Variants in DPP10 observed in about 807,000 individuals in gnomAD.
DPP10 encodes the protein inactive dipeptidyl peptidase 10.
Under a neutral mutation model 120.9 loss-of-function variants are expected in DPP10, and 33 were observed. The observed-to-expected ratio is 0.27, with a 90% CI of 0.21 to 0.37. The LOEUF (loss-of-function observed/expected upper bound fraction) is 0.37, where lower values mean the gene tolerates loss of function less well. Ranked by LOEUF, DPP10 falls within the 10% of genes least tolerant of loss-of-function variation. DPP10 has a pLI of 1.00. For missense variants in DPP10, 816 were observed against 942.8 expected, an observed-to-expected ratio of 0.87 and a Z score of 1.76; for synonymous variants, 337 against 326.1, an observed-to-expected ratio of 1.03 and a Z score of -0.36.
At chr2:115,339,544 AG>A (rs1439033920) in intron 2 of DPP10, among the ~76,000 whole-genome samples, 1 of 152,226 alleles carries the variant, frequency 6.6e-6, no homozygotes, top group Non-Finnish European at 1.5e-5. Context: ...TCCCCAAACC[AG>A]AAATAACAAT....
chr2:115,798,360 G>C (rs1041419040), intron 19 of DPP10, among the ~76,000 whole-genome samples: 1 of 152,004 alleles, frequency 6.6e-6, no homozygotes, highest in Non-Finnish European at 1.5e-5. Flanking sequence ...ACTTTGAAAG[G>C]TGAAGTTAAA....
chr2:114,754,357 A>T (rs1679536138), intron 1 of DPP10, among the ~76,000 whole-genome samples: 1 of 152,212 alleles, frequency 6.6e-6, no homozygotes, highest in Non-Finnish European at 1.5e-5. Context: ...AGTCTTTTAT[A>T]TCATTGCCCA....
chr2:115,790,107 C>G (rs1442076996), intron 17 of DPP10, among the ~76,000 whole-genome samples: 5 of 143,150 alleles, frequency 3.5e-5, no homozygotes, highest in Non-Finnish European at 6.0e-5. Context: ...GAGTCTCGCT[C>G]TGTCGCCCAG....
At position 115,697,404 on chromosome 2, in the gene DPP10, CAG is replaced by C. The variant is rs2091650778; in HGVS notation, c.576+7484_576+7485del. On this transcript the variant is annotated intron_variant, in intron 7 of 25. Coordinates refer to ENST00000410059, the MANE Select transcript of DPP10 (RefSeq NM_020868.6). ...AATGGAAAGAGATATTTCATGCAAA[CAG>C]TAAGCAAAATAAAATAGGGGTTGCT... Among the ~76,000 whole-genome samples, 6 of 151,870 alleles carry C rather than the reference CAG, an allele frequency of 4.0e-5. No homozygotes were observed. The South Asian group carries it at 1.2e-3, about 32-fold the overall frequency.
chr2:115,748,867 A>G (rs1444989567), intron 10 of DPP10, among the ~76,000 whole-genome samples: 2 of 152,152 alleles, frequency 1.3e-5, no homozygotes, highest in Admixed American at 6.5e-5. Flanking sequence ...AGTCTCTTCA[A>G]TTGTTTTATT....
intron 5 of DPP10, among the ~76,000 whole-genome samples, chr2:115,616,514 A>G (rs2084512733): frequency 1.3e-5 from 2 of 152,164 alleles, no homozygotes; most frequent in South Asian, 2.1e-4. Flanking sequence ...CTGAAAGCAC[A>G]TTTCCAATTT....
chr2:115,780,505 A>C (rs1682621639), intron 15 of DPP10, among the ~76,000 whole-genome samples: 1 of 151,848 alleles, frequency 6.6e-6, no homozygotes, highest in African/African-American at 2.4e-5. Flanking sequence ...TAAACATTGA[A>C]TAATCTCTGT....
intron 3 of DPP10, among the ~76,000 whole-genome samples, chr2:115,475,896 A>C (rs970478606): frequency 4.6e-5 from 7 of 152,224 alleles, no homozygotes; most frequent in Non-Finnish European, 2.9e-5. Flanking sequence ...TGGAAAGGGA[A>C]TATTTACCCA....
intron 1 of DPP10, among the ~76,000 whole-genome samples, chr2:115,075,001 A>G (rs1391044716): frequency 6.6e-6 from 1 of 152,198 alleles, no homozygotes; most frequent in African/African-American, 2.4e-5. Flanking sequence ...AATGTCGGAT[A>G]AGCAGCAGGA....
rs907292449 is a variant in DPP10, at chr2:114,804,239, G to T, written c.60+361401G>T. On this transcript the variant is annotated intron_variant, in intron 1 of 25. Coordinates refer to ENST00000410059, the MANE Select transcript of DPP10 (RefSeq NM_020868.6). ...TCTGCTTAGATTTCAGAAGATGTAT[G>T]GAAATGCCTGGATGCCCAGATAAAA... Among the ~76,000 whole-genome samples, 6 of 152,348 alleles carry T rather than the reference G, an allele frequency of 3.9e-5. No homozygotes were observed. The East Asian group carries it at 1.2e-3, about 29-fold the overall frequency.
At position 115,187,958 on chromosome 2, in the gene DPP10, T is replaced by G. The variant is rs576791430; in HGVS notation, c.61-121281T>G. Reference sequence around the variant, plus strand: ...CTCCTGAGCCCTGAGAGGTCAAGGCTGCAGTGAGCTGAGATAGTGCCACTG... The same window carrying G: ...CTCCTGAGCCCTGAGAGGTCAAGGCGGCAGTGAGCTGAGATAGTGCCACTG... On this transcript the variant is annotated intron_variant, in intron 1 of 25. Transcript: ENST00000410059. Among the ~76,000 whole-genome samples the G allele has an allele frequency of 3.9e-5, 6 of 152,022 alleles. No homozygotes were observed. The South Asian group carries it at 1.2e-3, about 32-fold the overall frequency.
At chr2:114,731,761 C>T (rs867129721) in intron 1 of DPP10, among the ~76,000 whole-genome samples, 1 of 152,038 alleles carries the variant, frequency 6.6e-6, no homozygotes, top group Non-Finnish European at 1.5e-5. Flanking sequence ...AGAGGAGCAC[C>T]AATGAGCACC....
At chr2:114,894,848 A>C (rs1181766990) in intron 1 of DPP10, among the ~76,000 whole-genome samples, 3 of 152,170 alleles carry the variant, frequency 2.0e-5, no homozygotes, top group Non-Finnish European at 4.4e-5. Context: ...AAAATAATTG[A>C]TTAAGGAATA....
At chr2:114,840,089 T>C (rs1172525268) in intron 1 of DPP10, among the ~76,000 whole-genome samples, 1 of 152,186 alleles carries the variant, frequency 6.6e-6, no homozygotes, top group Non-Finnish European at 1.5e-5. Flanking sequence ...ACAAAGCCTG[T>C]GAAACAGCAA....
intron 19 of DPP10, 166 bp from the exon 20 acceptor site, chr2:115,814,627 C>A: frequency 2.1e-6 from 1 of 470,170 alleles, no homozygotes; most frequent in Non-Finnish European, 3.5e-6. Context: ...TACAATTTTA[C>A]GAAGGAAAAT....
At chr2:115,041,313 A>G (rs1704627094) in intron 1 of DPP10, among the ~76,000 whole-genome samples, 1 of 152,026 alleles carries the variant, frequency 6.6e-6, no homozygotes, top group South Asian at 2.1e-4. Context: ...AATTTAACTA[A>G]ATTTCAAGGG....
intron 1 of DPP10, among the ~76,000 whole-genome samples, chr2:114,686,530 GT>G (rs980917579): frequency 2.0e-5 from 3 of 151,840 alleles, no homozygotes; most frequent in African/African-American, 7.3e-5. Context: ...CTGCTTCTAA[GT>G]TGCTTTTAAT....
intron 9 of DPP10, among the ~76,000 whole-genome samples, chr2:115,741,285 C>T (rs1383139270): frequency 6.6e-6 from 1 of 152,008 alleles, no homozygotes; most frequent in Non-Finnish European, 1.5e-5. Context: ...ATAGGGTCTT[C>T]TCTGGACATA....
chr2:115,496,520 T>C (rs1012222691), intron 3 of DPP10, among the ~76,000 whole-genome samples: 1 of 152,190 alleles, frequency 6.6e-6, no homozygotes, highest in African/African-American at 2.4e-5. Flanking sequence ...ATGAATTTTC[T>C]TTCGATCACC....
Sources: gnomAD v4.1 joint callset for allele counts (sites outside exome capture counted in the v4.1 genomes callset) on GRCh38, gnomAD v4.1.1 for gene constraint, MANE v1.5 for transcripts, NCBI Gene and HGNC (gene_info 2026-07-23, HGNC 2026-07-21) for gene names.